Variants in PRKCZ observed in about 807,000 individuals in gnomAD.
PRKCZ encodes protein kinase C zeta type.
In PRKCZ, 33 loss-of-function variants were observed where a neutral mutation model predicts 79.5. The observed-to-expected ratio is 0.41, with a 90% CI of 0.31 to 0.55. The LOEUF (loss-of-function observed/expected upper bound fraction) is 0.55. Among genes scored for constraint, PRKCZ ranks in the 20% least tolerant of loss-of-function variants. The pLI, the probability that PRKCZ is intolerant of heterozygous loss-of-function variation, is 0.19. For missense variants in PRKCZ, 578 were observed against 813.5 expected (o/e 0.71, Z 3.52); for synonymous variants, 342 against 320.9 (o/e 1.07, Z -0.70).
At chr1:2,159,191 C>G (rs957190777) in intron 10 of PRKCZ, among the ~76,000 whole-genome samples, 1 of 152,240 alleles carries the variant, frequency 6.6e-6, no homozygotes, top group Non-Finnish European at 1.5e-5. Flanking sequence ...AAACTGCCCA[C>G]AAATTCTTAC....
At chr1:2,175,201 C>T (rs1349387055) in intron 15 of PRKCZ, 23 bp from the exon 16 acceptor site, 3 of 1,607,144 alleles carry the variant, frequency 1.9e-6, no homozygotes, top group Admixed American at 1.7e-5. Flanking sequence ...CTGACTTGTC[C>T]TTGTTTGAAC....
chr1:2,184,870 A>T lies in PRKCZ; in HGVS notation c.1692-52A>T, dbSNP rs1289611029. On this transcript the variant is annotated intron_variant, in intron 17 of 17. Transcript: ENST00000378567. ...ATGCGAACGTGACTCCGCTTCCCCC[A>T]AGGGAATGAACACACGGTCACCCCC... The T allele has an allele frequency of 2.6e-6, 4 of 1,515,490 alleles. No homozygotes were observed. In the African/African-American group the frequency reaches 5.5e-5, roughly 21 times the overall value. 93.9% of individuals were successfully genotyped at this position (1,515,490 alleles called of 1,614,324 possible). A position where few individuals can be genotyped will look rare whatever the true frequency, so the allele number is the denominator to read the frequency against.
intron 4 of PRKCZ, among the ~76,000 whole-genome samples, chr1:2,072,062 T>C (rs1661646637): frequency 1.3e-5 from 2 of 152,262 alleles, no homozygotes; most frequent in African/African-American, 4.8e-5. Flanking sequence ...GCAGTGTAGG[T>C]TGCCAGCCCT....
chr1:2,169,627 G>A (rs374560522), intron 11 of PRKCZ, 23 bp downstream of exon 11: 71 of 1,470,054 alleles, frequency 4.8e-5, no homozygotes, highest in African/African-American at 7.1e-5. Flanking sequence ...GGACGGGGCC[G>A]GGTGGGTGCG....
chr1:2,108,388 C>T (rs1669019300), intron 4 of PRKCZ, among the ~76,000 whole-genome samples: 1 of 152,224 alleles, frequency 6.6e-6, no homozygotes, highest in Admixed American at 6.5e-5. Context: ...CTCCTGGAGG[C>T]CAGGCCACGT....
chr1:2,181,350 C>T (rs1329446593), intron 16 of PRKCZ, among the ~76,000 whole-genome samples: 1 of 152,250 alleles, frequency 6.6e-6, no homozygotes, highest in Non-Finnish European at 1.5e-5. Context: ...GCCCCCAGCC[C>T]CATTGACACG....
At chr1:2,166,098 C>T (rs985899773) in intron 10 of PRKCZ, among the ~76,000 whole-genome samples, 2 of 152,142 alleles carry the variant, frequency 1.3e-5, no homozygotes, top group African/African-American at 2.4e-5. Flanking sequence ...TTTTTGCTGG[C>T]GTTCTTCACG....
At chr1:2,121,955 G>T (rs797012936) in intron 4 of PRKCZ, among the ~76,000 whole-genome samples, 4 of 7,874 alleles carry the variant, frequency 5.1e-4, no homozygotes, top group African/African-American at 1.2e-3. Flanking sequence ...GGGTCACGGC[G>T]GTGGTTAGGG....
intron 5 of PRKCZ, among the ~76,000 whole-genome samples, chr1:2,136,178 C>CT (rs1676161023): frequency 6.6e-6 from 1 of 152,224 alleles, no homozygotes. Flanking sequence ...CCTCAAGTCA[C>CT]CTGCCCCTCC....
intron 4 of PRKCZ, among the ~76,000 whole-genome samples, chr1:2,060,440 G>C (rs901251728): frequency 6.6e-6 from 1 of 152,162 alleles, no homozygotes; most frequent in African/African-American, 2.4e-5. Flanking sequence ...CGAGAGTCTT[G>C]GCTTCCAGTG....
intron 4 of PRKCZ, among the ~76,000 whole-genome samples, chr1:2,126,514 C>G (rs1048290541): frequency 6.6e-6 from 1 of 152,118 alleles, no homozygotes; most frequent in Non-Finnish European, 1.5e-5. Context: ...TGCCCACCCC[C>G]CTCCAGCCTG....
In PRKCZ at chr1:2,177,131, G is replaced by T. The variant is rs1572024384; in HGVS notation, c.1575+1818G>T. ...GCTCAGGCACCCCTGGCCTAGTGGG[G>T]TTACTGGTGGCGTTCCCCTATCTCA... On this transcript the variant is annotated intron_variant, in intron 16 of 17. Transcript: ENST00000378567. The surrounding 1 kb of genome is among the most constrained non-coding windows in gnomAD (Gnocchi z 6.4). Among the ~76,000 whole-genome samples the T allele has an allele frequency of 2.0e-5, 3 of 152,166 alleles. No homozygotes were observed. Among genetic ancestry groups the T allele is most frequent in the African/African-American group, 7.2e-5 (3 of 41,432 alleles).
intron 10 of PRKCZ, among the ~76,000 whole-genome samples, chr1:2,157,691 T>G (rs937324588): frequency 6.7e-6 from 1 of 149,672 alleles, no homozygotes; most frequent in Non-Finnish European, 1.5e-5. Context: ...CAGGCATGAG[T>G]GACTGAGCCC....
At chr1:2,148,489 C>T (rs262673) in intron 7 of PRKCZ, among the ~76,000 whole-genome samples, 6,766 of 152,300 alleles carry the variant, frequency 0.044, 501 homozygotes, top group African/African-American at 0.16. Context: ...GTGCACTGAC[C>T]TCTCCATCTA....
intron 4 of PRKCZ, among the ~76,000 whole-genome samples, chr1:2,070,760 A>G (rs28669282): frequency 1.1e-5 from 1 of 92,808 alleles, no homozygotes; most frequent in Non-Finnish European, 2.2e-5. Context: ...GACAGTCCTC[A>G]GCTGCAGGGG....
intron 5 of PRKCZ, among the ~76,000 whole-genome samples, chr1:2,139,852 T>C (rs1281211795): frequency 6.6e-6 from 1 of 152,196 alleles, no homozygotes; most frequent in Non-Finnish European, 1.5e-5. Flanking sequence ...GCTACTCCCT[T>C]TGCTGTGAAC....
At chr1:2,137,373 A>G (rs2103047111) in intron 5 of PRKCZ, among the ~76,000 whole-genome samples, 1 of 152,290 alleles carries the variant, frequency 6.6e-6, no homozygotes, top group African/African-American at 2.4e-5. Context: ...CTCAAATACC[A>G]GTCTCAGGGC....
chr1:2,074,211 T>C, intron 4 of PRKCZ: 1 of 1,550,402 alleles, frequency 6.4e-7, no homozygotes. Flanking sequence ...AAAATAAGGC[T>C]GTGGAGGGAC....
At chr1:2,166,198 C>T (rs1199553427) in intron 10 of PRKCZ, among the ~76,000 whole-genome samples, 1 of 152,156 alleles carries the variant, frequency 6.6e-6, no homozygotes, top group Non-Finnish European at 1.5e-5. Flanking sequence ...GCCGGAGGAT[C>T]ACTTGAGGCC....
Sources: allele counts gnomAD v4.1 joint callset (sites outside exome capture counted in the v4.1 genomes callset), GRCh38; gene constraint gnomAD v4.1.1; non-coding constraint Gnocchi (gnomAD v3.1); transcripts MANE v1.5; gene names NCBI Gene and HGNC (gene_info 2026-07-23, HGNC 2026-07-21).